The following EEIG1 variants were observed in gnomAD, a reference collection of about 807,000 sequenced individuals.
EEIG1 encodes the protein early estrogen-induced gene 1 protein.
chr9:127,953,548 A>T, the EEIG1 span: 1 of 1,611,286 alleles, frequency 6.2e-7, no homozygotes, highest in Non-Finnish European at 8.5e-7. Context: ...ATTCCATCCC[A>T]CTGCCCCTTC....
the EEIG1 span, among the ~76,000 whole-genome samples, chr9:127,956,663 G>A: frequency 6.6e-6 from 1 of 151,894 alleles, no homozygotes; most frequent in East Asian, 1.9e-4. Context: ...TGCCCCCCTT[G>A]GCCTCCCAAA....
chr9:127,957,312 A>G, the EEIG1 span, among the ~76,000 whole-genome samples: 1 of 152,236 alleles, frequency 6.6e-6, no homozygotes, highest in Non-Finnish European at 1.5e-5. Context: ...TACAAAAATC[A>G]ATTCTTTCTA....
At chr9:127,944,750 C>G in the EEIG1 span, 1 of 1,611,444 alleles carries the variant, frequency 6.2e-7, no homozygotes, top group Non-Finnish European at 8.5e-7. Flanking sequence ...CAGGTGGCCT[C>G]GCCCCCACCA....
chr9:127,948,656 G>T, the EEIG1 span, among the ~76,000 whole-genome samples: 1 of 152,234 alleles, frequency 6.6e-6, no homozygotes, highest in Admixed American at 6.5e-5. Flanking sequence ...GCATAGCAAG[G>T]TGAGGCCTGG....
At chr9:127,944,974 T>A in the EEIG1 span, 1 of 1,533,588 alleles carries the variant, frequency 6.5e-7, no homozygotes, top group Non-Finnish European at 8.8e-7. Context: ...ACGACAATAA[T>A]GCCAGTCAGC....
chr9:127,944,769 C>A, the EEIG1 span: 4 of 1,611,846 alleles, frequency 2.5e-6, no homozygotes, highest in South Asian at 2.2e-5. Flanking sequence ...CAGCCCAGCA[C>A]GGCTCACCCT....
chr9:127,954,973 C>A, the EEIG1 span, among the ~76,000 whole-genome samples: 11 of 152,338 alleles, frequency 7.2e-5, no homozygotes, highest in African/African-American at 2.6e-4. Flanking sequence ...TTGGCAGGAT[C>A]TGGGGGTGGC....
chr9:127,944,967 A>G, the EEIG1 span: 1 of 1,550,858 alleles, frequency 6.4e-7, no homozygotes. Flanking sequence ...CAGAACGACG[A>G]CAATAATGCC....
chr9:127,942,929 C>T, the EEIG1 span: 3 of 523,282 alleles, frequency 5.7e-6, no homozygotes, highest in Middle Eastern at 5.1e-4. Context: ...TGCACGGGCC[C>T]GCCTGGCCTG....
At chr9:127,960,832 C>G in the EEIG1 span, among the ~76,000 whole-genome samples, 47 of 152,154 alleles carry the variant, frequency 3.1e-4, no homozygotes, top group Admixed American at 2.0e-3. Flanking sequence ...CACATTCCCC[C>G]CTCCACAGGA....
At chr9:127,980,915 C>A in the EEIG1 span, among the ~76,000 whole-genome samples, 1 of 149,260 alleles carries the variant, frequency 6.7e-6, no homozygotes, top group Non-Finnish European at 1.5e-5. Context: ...CGGCACCCTT[C>A]GAGCAGCAGC....
the EEIG1 span, among the ~76,000 whole-genome samples, chr9:127,945,055 G>A: frequency 6.6e-6 from 1 of 152,188 alleles, no homozygotes; most frequent in Non-Finnish European, 1.5e-5. This position sits in a 1 kb window ranked among gnomAD's most constrained non-coding sequence, Gnocchi z 6.5. Context: ...GCACAATAGG[G>A]TGCAGCTGCC....
At chr9:127,959,080 G>C in the EEIG1 span, among the ~76,000 whole-genome samples, 1 of 152,224 alleles carries the variant, frequency 6.6e-6, no homozygotes, top group African/African-American at 2.4e-5. Context: ...CAGCCCCTTT[G>C]GAAAACAGTA....
chr9:127,958,908 C>A, the EEIG1 span, among the ~76,000 whole-genome samples: 1 of 152,264 alleles, frequency 6.6e-6, no homozygotes, highest in South Asian at 2.1e-4. Flanking sequence ...AAGTGGTCAA[C>A]AAGCACACAG....
chr9:127,945,800 G>A, the EEIG1 span: 1 of 1,286,892 alleles, frequency 7.8e-7, no homozygotes. The surrounding 1 kb of genome is among the most constrained non-coding windows in gnomAD (Gnocchi z 6.5). Context: ...GGGTCACCCA[G>A]TGCTGCTCAC....
chr9:127,974,610 T>C, the EEIG1 span, among the ~76,000 whole-genome samples: 1 of 152,092 alleles, frequency 6.6e-6, no homozygotes, highest in South Asian at 2.1e-4. Context: ...TCCACATCTG[T>C]CAAATAAATG....
the EEIG1 span, chr9:127,945,518 T>A: frequency 3.2e-6 from 5 of 1,569,552 alleles, no homozygotes; most frequent in Non-Finnish European, 4.3e-6. This position sits in a 1 kb window ranked among gnomAD's most constrained non-coding sequence, Gnocchi z 6.5. Context: ...CGGCGGTGCG[T>A]CAGGTCTGAG....
chr9:127,963,316 T>C, the EEIG1 span, among the ~76,000 whole-genome samples: 1 of 152,192 alleles, frequency 6.6e-6, no homozygotes. Context: ...ATGCAGTACA[T>C]GGGACCTGCT....
the EEIG1 span, among the ~76,000 whole-genome samples, chr9:127,957,559 T>A: frequency 1.3e-5 from 2 of 152,218 alleles, no homozygotes; most frequent in African/African-American, 2.4e-5. Flanking sequence ...TCACAATCCC[T>A]ATCAAAGCCC....
Sources: allele counts gnomAD v4.1 joint callset (sites outside exome capture counted in the v4.1 genomes callset), GRCh38; gene constraint gnomAD v4.1.1; non-coding constraint Gnocchi (gnomAD v3.1); transcripts MANE v1.5; gene names NCBI Gene and HGNC (gene_info 2026-07-23, HGNC 2026-07-21).